Variants in POU2F2 observed in about 807,000 individuals in gnomAD.
POU2F2 encodes the protein POU class 2 homeobox 2.
A neutral mutation model predicts 63.5 loss-of-function variants in POU2F2; 14 were observed. The ratio of observed to expected loss-of-function variants is 0.22; its 90% CI spans 0.15 to 0.34. The LOEUF is 0.34. POU2F2 is among the 10% of genes least tolerant of loss of function. The pLI is 1.00. For synonymous variants in POU2F2, 306 were observed against 348.6 expected, an observed-to-expected ratio of 0.88 and a Z score of 1.36; for missense variants, 607 against 815.2, an observed-to-expected ratio of 0.74 and a Z score of 3.11.
At chr19:42,175,757 G>A (rs923368893) in intron 1 of POU2F2, among the ~76,000 whole-genome samples, 7 of 152,040 alleles carry the variant, frequency 4.6e-5, no homozygotes, top group African/African-American at 1.7e-4. Context: ...GCTGAGGGGT[G>A]CACCGCGGCT....
chr19:42,188,293 G>A (rs1195084206), intron 1 of POU2F2, among the ~76,000 whole-genome samples: 1 of 151,734 alleles, frequency 6.6e-6, no homozygotes, highest in Non-Finnish European at 1.5e-5. Context: ...CTAAGTCTGG[G>A]AGGCAGAGGT....
At chr19:42,167,724 T>C (rs948752625) in intron 1 of POU2F2, among the ~76,000 whole-genome samples, 1 of 152,010 alleles carries the variant, frequency 6.6e-6, no homozygotes, top group Non-Finnish European at 1.5e-5. Context: ...ATGGGAGAAA[T>C]GACAGGCTCT....
At chr19:42,144,223 G>C (rs752262339) in intron 2 of POU2F2, among the ~76,000 whole-genome samples, 1 of 152,208 alleles carries the variant, frequency 6.6e-6, no homozygotes, top group Non-Finnish European at 1.5e-5. Flanking sequence ...TTAGAACCAT[G>C]ATAATAATCA....
chr19:42,089,677 T>C lies in POU2F2; in HGVS notation c.*1580A>G, dbSNP rs1437470697. ...CTTGGCTCCGCCTCGCGGTTCCATC[T>C]TATTCTTGAAGAGTCCTCATCTTCT... On this transcript the variant is annotated 3_prime_UTR_variant, in exon 15 of 15. Transcript: ENST00000692977. 2 of 150,868 alleles carry C rather than the reference T, an allele frequency of 1.3e-5. No homozygotes were observed. Among genetic ancestry groups the C allele is most frequent in the African/African-American group, 4.9e-5 (2 of 41,128 alleles). 9.3% of individuals were successfully genotyped at this position (150,868 alleles called of 1,614,324 possible). A position where few individuals can be genotyped will look rare whatever the true frequency, so the allele number is the denominator to read the frequency against.
rs1430685807 is a variant in POU2F2 at position 42,117,453 on chromosome 19, A to T, written c.187-21T>A. The stretch of plus-strand genomic sequence containing the variant: ...CCCACCTGTGAACCAAAGAGAGGGC[A>T]CGTGTGTGGCAATGGCAATCAGGCT... On this transcript the variant is annotated intron_variant, in intron 4 of 14. Coordinates refer to ENST00000692977, the MANE Select transcript of POU2F2 (RefSeq NM_001394376.1). This position sits in a 1 kb window ranked among gnomAD's most constrained non-coding sequence, Gnocchi z 4.4. 4 of 954,718 alleles carry T rather than the reference A, an allele frequency of 4.2e-6. No individual in the cohort carries two copies. The highest frequency in any genetic ancestry group is 6.3e-6 in the Non-Finnish European group (4 of 630,030). 59.1% of individuals were successfully genotyped at this position (954,718 alleles called of 1,614,324 possible).
chr19:42,167,417 G>A (rs1325123062), intron 1 of POU2F2, among the ~76,000 whole-genome samples: 1 of 150,980 alleles, frequency 6.6e-6, no homozygotes, highest in Non-Finnish European at 1.5e-5. Flanking sequence ...TTGCACCACT[G>A]CACTCCAGCC....
At chr19:42,163,296 G>T (rs1390749298) in intron 1 of POU2F2, among the ~76,000 whole-genome samples, 1 of 152,188 alleles carries the variant, frequency 6.6e-6, no homozygotes, top group East Asian at 1.9e-4. Flanking sequence ...AAGAACAGGA[G>T]GGAGTGTGTG....
At position 42,091,590 on chromosome 19, in the gene POU2F2, G is replaced by T; in HGVS notation, c.1542C>A (p.Ala514=). ...MSNNPLATIQ[A]LASGGTLPLT... Reference sequence around the variant, plus strand: ...GGGGCAGGGTTCCACCAGAGGCCAGGGCTGGCGGGGAGAGAGAGAGGCTGG... The same window carrying T: ...GGGGCAGGGTTCCACCAGAGGCCAGTGCTGGCGGGGAGAGAGAGAGGCTGG... The change falls in exon 15 of 15, where the codon GCC becomes GCA. Residue 514 remains alanine, a splice_region_variant and synonymous_variant. Coordinates refer to ENST00000692977, the MANE Select transcript of POU2F2 (RefSeq NM_001394376.1). 6.5e-7 allele frequency: 1 copy of T among 1,547,442 alleles called. No homozygotes were observed. The highest frequency in any genetic ancestry group is 2.4e-5 in the East Asian group (1 of 41,924).
intron 1 of POU2F2, among the ~76,000 whole-genome samples, chr19:42,187,324 G>A (rs904378820): frequency 1.3e-5 from 2 of 151,756 alleles, no homozygotes; most frequent in Non-Finnish European, 2.9e-5. Context: ...AATTAGTCGG[G>A]CGTGGTGGAG....
At chr19:42,179,158 A>T (rs2034931768), upstream of POU2F2, among the ~76,000 whole-genome samples, 1 of 152,086 alleles carries the variant, frequency 6.6e-6, no homozygotes. Context: ...GTGAAAGCAG[A>T]AAGTAGGAAG....
intron 1 of POU2F2, among the ~76,000 whole-genome samples, chr19:42,160,882 C>T (rs2034539695): frequency 1.3e-5 from 2 of 152,156 alleles, no homozygotes; most frequent in African/African-American, 4.8e-5. Flanking sequence ...TATTAAGTTC[C>T]TATGTGCTCT....
intron 5 of POU2F2, chr19:42,116,912 C>T (rs1328257405): frequency 7.7e-6 from 4 of 520,570 alleles, no homozygotes; most frequent in Admixed American, 2.4e-5. Context: ...TTAGCGGCAG[C>T]GGCGGCACTG....
At chr19:42,139,779 G>A (rs1368943145) in intron 2 of POU2F2, among the ~76,000 whole-genome samples, 1 of 152,134 alleles carries the variant, frequency 6.6e-6, no homozygotes, top group Non-Finnish European at 1.5e-5. Context: ...AAACAAGAAC[G>A]GGTGAGATGG....
At chr19:42,123,848 G>A (rs917610910) in intron 1 of POU2F2, among the ~76,000 whole-genome samples, 17 of 152,066 alleles carry the variant, frequency 1.1e-4, no homozygotes, top group Middle Eastern at 3.2e-3. Flanking sequence ...GTGCCCAGAT[G>A]GCTCAAGTCC....
At chr19:42,114,286 C>CTA (rs1341729409) in intron 5 of POU2F2, among the ~76,000 whole-genome samples, 5 of 152,224 alleles carry the variant, frequency 3.3e-5, no homozygotes, top group African/African-American at 7.2e-5. Flanking sequence ...CTTCTATCCT[C>CTA]TAGTCTTTGT....
At chr19:42,093,009 AT>A (rs1201422267) in intron 12 of POU2F2, among the ~76,000 whole-genome samples, 4,840 of 46,698 alleles carry the variant, frequency 0.1, 116 homozygotes, top group South Asian at 0.16. Context: ...ATATATATAT[AT>A]TTTTTTTTTT....
intron 2 of POU2F2, among the ~76,000 whole-genome samples, chr19:42,158,259 C>G (rs1247302819): frequency 6.6e-6 from 1 of 152,206 alleles, no homozygotes. Context: ...GAAAAACCAA[C>G]AAGTGGCCCC....
intron 1 of POU2F2, among the ~76,000 whole-genome samples, chr19:42,127,732 C>A (rs1391024712): frequency 6.6e-6 from 1 of 152,066 alleles, no homozygotes; most frequent in Non-Finnish European, 1.5e-5. Flanking sequence ...AGCTCCCAGC[C>A]AGGTCTCTCT....
intron 1 of POU2F2, among the ~76,000 whole-genome samples, chr19:42,194,197 A>G (rs924230736): frequency 6.6e-5 from 10 of 151,618 alleles, no homozygotes; most frequent in Admixed American, 1.3e-4. Context: ...AGCCTGGGCA[A>G]CATAGTGAGA....
Sources: gnomAD v4.1 joint callset for allele counts (sites outside exome capture counted in the v4.1 genomes callset) on GRCh38, gnomAD v4.1.1 for gene constraint, Gnocchi (gnomAD v3.1) non-coding constraint, MANE v1.5 for transcripts, NCBI Gene and HGNC (gene_info 2026-07-23, HGNC 2026-07-21) for gene names.